Variants in TIPIN observed in about 807,000 individuals in gnomAD.
TIPIN encodes TIMELESS-interacting protein.
Under a neutral mutation model 35.6 loss-of-function variants are expected in TIPIN, and 29 were observed. That is an observed-to-expected ratio of 0.82 (90% CI 0.61 to 1.11). The LOEUF (loss-of-function observed/expected upper bound fraction) is 1.11, where lower values mean the gene tolerates loss of function less well. Ranked by LOEUF, TIPIN falls within the 50% of genes most tolerant of loss-of-function variation. The pLI, the probability that TIPIN is intolerant of heterozygous loss-of-function variation, is 0.00. For missense variants in TIPIN, 296 were observed against 345.4 expected, an observed-to-expected ratio of 0.86 and a Z score of 1.13; for synonymous variants, 102 against 121.5, an observed-to-expected ratio of 0.84 and a Z score of 1.06.
At chr15:66,378,811 A>G (rs898758168) in intron 1 of TIPIN, among the ~76,000 whole-genome samples, 2 of 150,896 alleles carry the variant, frequency 1.3e-5, no homozygotes, top group Non-Finnish European at 2.9e-5. Context: ...ATCATGACTC[A>G]CTCTAACCTG....
intron 1 of TIPIN, among the ~76,000 whole-genome samples, chr15:66,363,779 G>A (rs906973188): frequency 6.6e-6 from 1 of 151,916 alleles, no homozygotes; most frequent in Non-Finnish European, 1.5e-5. Context: ...TCAGGAGATC[G>A]AGACCATCCT....
intron 1 of TIPIN, chr15:66,379,304 GTCT>G (rs2093309308): frequency 1.3e-6 from 2 of 1,568,052 alleles, no homozygotes; most frequent in Non-Finnish European, 1.7e-6. Context: ...GTCATCTGGC[GTCT>G]TCTTTCTGTA....
intron 1 of TIPIN, among the ~76,000 whole-genome samples, chr15:66,363,500 G>A (rs994832218): frequency 1.3e-5 from 2 of 151,346 alleles, no homozygotes; most frequent in African/African-American, 4.9e-5. Context: ...AAATTAGCTG[G>A]GCGTGGTGGC....
At chr15:66,359,779 G>A (rs1167626284), upstream of TIPIN, among the ~76,000 whole-genome samples, 2 of 152,116 alleles carry the variant, frequency 1.3e-5, no homozygotes, top group Non-Finnish European at 2.9e-5. Flanking sequence ...AAATGTAAAA[G>A]CACTCTGAGA....
rs2093150497 is a variant in TIPIN, at chr15:66,349,236, T to C, written c.411+79A>G. 4 of 1,602,714 alleles carry C rather than the reference T, an allele frequency of 2.5e-6. No individual in the cohort carries two copies. The South Asian group carries it at 4.5e-5, about 18-fold the overall frequency. ...AAAAGAGATTTCAAAATGAACACTT[T>C]AAACAGCAATTTAGCCTCAACTAAA... On this transcript the variant is annotated intron_variant, in intron 5 of 7. Transcript: ENST00000261881.
chr15:66,379,168 C>G (rs147015255), intron 1 of TIPIN: 59 of 906,580 alleles, frequency 6.5e-5, no homozygotes, highest in Non-Finnish European at 8.6e-5. Flanking sequence ...GAATCACAGG[C>G]ATGAGCCACT....
intron 1 of TIPIN, among the ~76,000 whole-genome samples, chr15:66,376,272 C>G (rs984572320): frequency 6.6e-6 from 1 of 151,968 alleles, no homozygotes; most frequent in African/African-American, 2.4e-5. Context: ...TATAGTACTT[C>G]TTTGTATAAA....
intron 6 of TIPIN, among the ~76,000 whole-genome samples, chr15:66,347,737 C>A (rs1057497865): frequency 6.6e-6 from 1 of 152,086 alleles, no homozygotes; most frequent in Non-Finnish European, 1.5e-5. Flanking sequence ...GCGTGCACCA[C>A]CCCACTCAGC....
chr15:66,361,584 A>G (rs1435784852), upstream of TIPIN, among the ~76,000 whole-genome samples: 1 of 150,104 alleles, frequency 6.7e-6, no homozygotes, highest in Non-Finnish European at 1.5e-5. Flanking sequence ...AAAAAACAGC[A>G]AAAAGCAAGA....
At chr15:66,361,910 G>C (rs890128624) in intron 1 of TIPIN, among the ~76,000 whole-genome samples, 5 of 152,016 alleles carry the variant, frequency 3.3e-5, no homozygotes, top group African/African-American at 1.2e-4. Context: ...ATGTGGAAGT[G>C]GGGGGATGCA....
At chr15:66,346,678 G>C (rs1272230125) in intron 6 of TIPIN, among the ~76,000 whole-genome samples, 2 of 152,104 alleles carry the variant, frequency 1.3e-5, no homozygotes, top group Admixed American at 1.3e-4. Context: ...TAACCCAGTA[G>C]TATATGCTGT....
In TIPIN at chr15:66,342,186, C is replaced by CAAAAAA. The variant is rs55711983; in HGVS notation, c.476-836_476-831dup. Among the ~76,000 whole-genome samples the CAAAAAA allele has an allele frequency of 1.9e-3, 205 of 108,426 alleles. 4 individuals are homozygous for CAAAAAA. Among genetic ancestry groups the CAAAAAA allele is most frequent in the East Asian group, 6.6e-3 (22 of 3,332 alleles). The allele number at this position is 108,426 out of a possible 152,430, so 71.1% of individuals were successfully genotyped here. A position where few individuals can be genotyped will look rare whatever the true frequency, so the allele number is the denominator to read the frequency against. ...CCTGGGCTACAGAGCAAGACTGTCT[C>CAAAAAA]AAAAAAAAAAAAAAAAAAAAAAGAA... On this transcript the variant is annotated intron_variant, in intron 6 of 7. Transcript: ENST00000261881.
In TIPIN at chr15:66,341,146, T is replaced by G; in HGVS notation, c.682+4A>C. 1 of 1,609,000 alleles carries G rather than the reference T, an allele frequency of 6.2e-7. No homozygotes were observed. On this transcript the variant is annotated splice_donor_region_variant and intron_variant, in intron 7 of 7. Coordinates refer to ENST00000261881, the MANE Select transcript of TIPIN (RefSeq NM_017858.3). ...TAGCATATAAAATTTGGCATAAAAT[T>G]TACCATTTCCTAGGGTCTGACTATT...
chr15:66,368,332 C>T (rs559214253), intron 1 of TIPIN, among the ~76,000 whole-genome samples: 1 of 145,878 alleles, frequency 6.9e-6, no homozygotes, highest in South Asian at 2.3e-4. Flanking sequence ...CGAGCCTAGG[C>T]AACATAGCAA....
intron 1 of TIPIN, among the ~76,000 whole-genome samples, chr15:66,363,225 T>C (rs556821393): frequency 1.3e-5 from 2 of 151,466 alleles, no homozygotes; most frequent in African/African-American, 2.4e-5. Context: ...AAAGTAAAAA[T>C]AGGCCAGGTG....
chr15:66,385,633 C>A (rs1359119269), intron 1 of TIPIN, among the ~76,000 whole-genome samples: 1 of 151,956 alleles, frequency 6.6e-6, no homozygotes, highest in Admixed American at 6.6e-5. Context: ...GGATTACAGG[C>A]ACCCGCCACC....
At chr15:66,371,914 G>A (rs751883074) in intron 1 of TIPIN, among the ~76,000 whole-genome samples, 3 of 151,696 alleles carry the variant, frequency 2.0e-5, no homozygotes, top group Non-Finnish European at 2.9e-5. Context: ...CTCACCTCAG[G>A]CTCCTGAGTA....
In TIPIN at chr15:66,355,262, T is replaced by C. The variant is rs550864918; in HGVS notation, c.-9+1377A>G. 2.4e-3 allele frequency among the ~76,000 whole-genome samples: 363 copies of C among 151,016 alleles called. 1 individual carries two copies. Among genetic ancestry groups the C allele is most frequent in the Non-Finnish European group, 4.3e-3 (288 of 67,622 alleles). ...GTTAGCCAGGATGGTCTCGATCTCC[T>C]GACCTCGTGATCCGCCCGCCTCGGC... On this transcript the variant is annotated intron_variant, in intron 1 of 7. Coordinates refer to ENST00000261881, the MANE Select transcript of TIPIN (RefSeq NM_017858.3).
chr15:66,365,073 G>A (rs2093248518), intron 1 of TIPIN, among the ~76,000 whole-genome samples: 1 of 151,974 alleles, frequency 6.6e-6, no homozygotes, highest in Non-Finnish European at 1.5e-5. Context: ...GTAAAATGAG[G>A]ATGAGACCCG....
Sources: allele counts gnomAD v4.1 joint callset (sites outside exome capture counted in the v4.1 genomes callset), GRCh38; gene constraint gnomAD v4.1.1; transcripts MANE v1.5; gene names NCBI Gene and HGNC (gene_info 2026-07-23, HGNC 2026-07-21).